Variants in ZFHX3 observed in about 807,000 individuals in gnomAD.
The protein encoded by ZFHX3 is zinc finger homeobox protein 3.
A neutral mutation model predicts 279.1 loss-of-function variants in ZFHX3; 42 were observed. The observed-to-expected ratio is 0.15, with a 90% CI of 0.12 to 0.19. The LOEUF (loss-of-function observed/expected upper bound fraction) is 0.19. Among genes scored for constraint, ZFHX3 ranks in the 10% least tolerant of loss-of-function variants. The pLI is 1.00. For synonymous variants in ZFHX3, 2,293 were observed against 1,957.8 expected (o/e 1.17, Z -4.52); for missense variants, 4,981 against 4,754.0 (o/e 1.05, Z -1.40).
chr16:73,336,996 G>A (rs1029862499), intron 3 of ZFHX3, among the ~76,000 whole-genome samples: 2 of 151,976 alleles, frequency 1.3e-5, no homozygotes, highest in Admixed American at 6.6e-5. Flanking sequence ...CTGGACTCCT[G>A]GTCTGACCAC....
chr16:73,374,609 A>G (rs1191202524), intron 3 of ZFHX3, among the ~76,000 whole-genome samples: 1 of 152,232 alleles, frequency 6.6e-6, no homozygotes, highest in Non-Finnish European at 1.5e-5. Flanking sequence ...TGATTGTCCT[A>G]TACATTTTAT....
rs752417223 is a variant in ZFHX3 at position 72,787,684 on chromosome 16, C to T, written c.10592G>A (p.Cys3531Tyr). 2.0e-6 allele frequency: 3 copies of T among 1,502,224 alleles called. No homozygotes were observed. The South Asian group carries it at 4.2e-5, about 21-fold the overall frequency. 93.1% of individuals were successfully genotyped at this position (1,502,224 alleles called of 1,614,324 possible). The change falls in exon 10 of 10, where the codon TGC becomes TAC. Residue 3531 changes from cysteine (C) to tyrosine (Y), a missense_variant. Cys to Tyr is a radical substitution (Grantham distance 194). Coordinates refer to ENST00000268489, the MANE Select transcript of ZFHX3 (RefSeq NM_006885.4). ...GGGGGGGSYH[C>Y]LACESALCGE... ...ACAGAGCGCGCTCTCGCACGCCAGG[C>T]AGTGGTACGAGCCGCCGCCGCCGCC...
upstream of ZFHX3, among the ~76,000 whole-genome samples, chr16:73,063,400 CCCGG>C (rs1965710406): frequency 6.6e-6 from 1 of 152,184 alleles, no homozygotes; most frequent in Non-Finnish European, 1.5e-5. Flanking sequence ...CCCCCATCGC[CCCGG>C]TCCACTCCCT....
chr16:73,029,269 G>A (rs1218115955), intron 1 of ZFHX3, among the ~76,000 whole-genome samples: 1 of 152,134 alleles, frequency 6.6e-6, no homozygotes, highest in East Asian at 1.9e-4. Context: ...CCACACTGGC[G>A]TGTTTCCCAC....
intron 1 of ZFHX3, among the ~76,000 whole-genome samples, chr16:73,714,262 A>G (rs1461704519): frequency 6.6e-6 from 1 of 151,526 alleles, no homozygotes; most frequent in East Asian, 1.9e-4. Context: ...TAATAGGTCA[A>G]TTTTTTTTTC....
intron 1 of ZFHX3, among the ~76,000 whole-genome samples, chr16:73,688,380 A>C (rs1207789387): frequency 1.4e-5 from 2 of 141,906 alleles, no homozygotes; most frequent in Non-Finnish European, 3.1e-5. Flanking sequence ...AAAAAATTGT[A>C]TCTTGAAATT....
intron 2 of ZFHX3, chr16:73,483,348 AG>A: frequency 2.4e-6 from 1 of 413,220 alleles, no homozygotes; most frequent in Non-Finnish European, 4.6e-6. Flanking sequence ...AGAGAGAGAG[AG>A]AAAGAGAGAG....
chr16:73,552,483 T>C (rs576479893), intron 2 of ZFHX3, among the ~76,000 whole-genome samples: 15 of 152,310 alleles, frequency 9.8e-5, no homozygotes, highest in East Asian at 9.7e-4. Flanking sequence ...GTGTAAGACA[T>C]AGAATCCATG....
chr16:73,130,374 A>G (rs990721873), intron 7 of ZFHX3, among the ~76,000 whole-genome samples: 16 of 152,154 alleles, frequency 1.1e-4, no homozygotes, highest in East Asian at 3.9e-4. Context: ...GTGTGCTCCA[A>G]TGCTTTCATC....
chr16:73,813,786 T>G (rs1960489543), intron 1 of ZFHX3: 1 of 152,204 alleles, frequency 6.6e-6, no homozygotes, highest in African/African-American at 2.4e-5. Context: ...CCTCCGATAC[T>G]CAAGAACTCC....
chr16:73,620,377 A>G (rs978310373), intron 2 of ZFHX3, among the ~76,000 whole-genome samples: 2 of 152,242 alleles, frequency 1.3e-5, no homozygotes, highest in Non-Finnish European at 2.9e-5. Flanking sequence ...GAAAAAAACA[A>G]AAGGTTTTGA....
At chr16:73,026,220 A>AAAAAAAC (rs1964494261) in intron 1 of ZFHX3, among the ~76,000 whole-genome samples, 1 of 120,944 alleles carries the variant, frequency 8.3e-6, no homozygotes, top group Non-Finnish European at 1.7e-5. Context: ...AAAAAAAAAA[A>AAAAAAAC]AAGCCAGGTG....
chr16:73,813,261 A>C, intron 1 of ZFHX3, among the ~76,000 whole-genome samples: 1 of 147,612 alleles, frequency 6.8e-6, no homozygotes, highest in South Asian at 2.2e-4. Context: ...CTCTCTGTTA[A>C]GTTAATGTTT....
intron 3 of ZFHX3, among the ~76,000 whole-genome samples, chr16:73,437,482 ATTATTT>A (rs1343304246): frequency 6.6e-6 from 1 of 152,038 alleles, no homozygotes; most frequent in Non-Finnish European, 1.5e-5. Context: ...GCCTCAAAGC[ATTATTT>A]TTATTTTAAA....
intron 2 of ZFHX3, among the ~76,000 whole-genome samples, chr16:73,623,258 A>G (rs12149437): frequency 0.22 from 33,015 of 152,022 alleles, 3,796 homozygotes; most frequent in African/African-American, 0.26. Context: ...GGATGGTCTC[A>G]ATCTCCTGAC....
At position 73,121,325 on chromosome 16, in the gene ZFHX3, A is replaced by G. The variant is rs998684460; in HGVS notation, c.-897+9643T>C. ...CATTAATAATTTTTACATTGATTGC[A>G]TAGTGAAATGGTAATATTTTGGACA... is the stretch of plus-strand genomic sequence containing the variant. On this transcript the variant is annotated intron_variant, in intron 7 of 17. Coordinates refer to the ZFHX3 transcript ENST00000641206. Among the ~76,000 whole-genome samples, 11 of 152,342 alleles carry G rather than the reference A, an allele frequency of 7.2e-5. No homozygotes were observed. The East Asian group carries it at 1.5e-3, about 21-fold the overall frequency.
chr16:72,859,994 C>A (rs2037844115), intron 4 of ZFHX3, among the ~76,000 whole-genome samples: 1 of 152,192 alleles, frequency 6.6e-6, no homozygotes, highest in Non-Finnish European at 1.5e-5. Flanking sequence ...ACTATGCAGG[C>A]ATCTCCGAAG....
chr16:73,040,783 C>T (rs1309625506), intron 1 of ZFHX3, among the ~76,000 whole-genome samples: 1 of 152,196 alleles, frequency 6.6e-6, no homozygotes, highest in Non-Finnish European at 1.5e-5. Context: ...CAGCCAATAT[C>T]CGGAGAAGCT....
chr16:73,261,665 A>ATTGTT, intron 4 of ZFHX3, among the ~76,000 whole-genome samples: 1 of 71,408 alleles, frequency 1.4e-5, no homozygotes, highest in Non-Finnish European at 3.2e-5. Flanking sequence ...CATTCCTGTG[A>ATTGTT]TTGTTTTTTT....
Sources: allele counts gnomAD v4.1 joint callset (sites outside exome capture counted in the v4.1 genomes callset), GRCh38; gene constraint gnomAD v4.1.1; transcripts MANE v1.5; gene names NCBI Gene and HGNC (gene_info 2026-07-23, HGNC 2026-07-21).